The following CANX variants were observed in gnomAD, a reference collection of about 807,000 sequenced individuals.
CANX encodes calnexin, also known as epididymis secretory sperm binding protein.
A neutral mutation model predicts 75.7 loss-of-function variants in CANX; 14 were observed. The observed-to-expected ratio is 0.19, with a 90% CI of 0.12 to 0.29. The LOEUF is 0.29. CANX is among the 10% of genes least tolerant of loss of function. The pLI, the probability that CANX is intolerant of heterozygous loss-of-function variation, is 1.00. For missense variants in CANX, 567 were observed against 713.2 expected, an observed-to-expected ratio of 0.79 and a Z score of 2.34; for synonymous variants, 227 against 236.9, an observed-to-expected ratio of 0.96 and a Z score of 0.38.
In CANX at chr5:179,678,925, G is replaced by C. The variant is rs1326130990; in HGVS notation, c.-4+148G>C. 1.3e-6 allele frequency: 2 copies of C among 1,535,206 alleles called. No individual in the cohort carries two copies. The highest frequency in any genetic ancestry group is 3.9e-5 in the Admixed American group (2 of 50,884). On this transcript the variant is annotated intron_variant, in intron 1 of 14. Coordinates refer to the CANX transcript ENST00000681674. ...GCCCGCCGCGGAACACGAAGGCCTG[G>C]TTGCTGAGGCGCATGCACGGCGCGC...
intron 10 of CANX, 60 bp from the exon 11 acceptor site, chr5:179,722,733 TACGGTAGATTC>T (rs1359471740): frequency 3.9e-6 from 4 of 1,023,328 alleles, no homozygotes; most frequent in Admixed American, 4.7e-5. Flanking sequence ...AAATTTCTCT[TACGGTAGATTC>T]ACCATAAACT....
At chr5:179,695,556 T>C (rs13361866), upstream of CANX, among the ~76,000 whole-genome samples, 107,549 of 151,372 alleles carry the variant, frequency 0.71, 40,645 homozygotes, top group Non-Finnish European at 0.84. Flanking sequence ...CTCGAACTCC[T>C]GACCTCAGGT....
chr5:179,680,342 A>G (rs957281213), intron 1 of CANX, among the ~76,000 whole-genome samples: 2 of 152,160 alleles, frequency 1.3e-5, no homozygotes, highest in South Asian at 4.1e-4. Context: ...TAGCATAGCC[A>G]ACAGCATTAT....
intron 1 of CANX, chr5:179,679,194 G>A: frequency 6.5e-7 from 1 of 1,534,900 alleles, no homozygotes; most frequent in Non-Finnish European, 8.7e-7. Flanking sequence ...CGGGAGCGCT[G>A]GCGACTCGTG....
rs375418723 is a variant in CANX at position 179,688,068 on chromosome 5, T to C, written c.-4+9291T>C. Among the ~76,000 whole-genome samples the C allele has an allele frequency of 9.9e-5, 15 of 151,346 alleles. No individual in the cohort carries two copies. The East Asian group carries it at 2.9e-3, about 30-fold the overall frequency. On this transcript the variant is annotated intron_variant, in intron 1 of 14. Transcript: ENST00000681674. ...ATAAATAAAGTCAGTATTCTTTTTT[T>C]TTTTTTTTAAGATGGAGTGTCGCTC...
At chr5:179,712,895 TC>T (rs1777673722) in intron 7 of CANX, among the ~76,000 whole-genome samples, 1 of 148,544 alleles carries the variant, frequency 6.7e-6, no homozygotes, top group Non-Finnish European at 1.5e-5. Flanking sequence ...AGCTAATTTT[TC>T]TTTTTTTTAT....
chr5:179,678,673 C>A, exon 1 of CANX: 1 of 1,535,736 alleles, frequency 6.5e-7, no homozygotes, highest in Non-Finnish European at 8.7e-7. Context: ...CGGCGCGCGC[C>A]GCAGCCGTCG....
chr5:179,719,156 T>C (rs1778150734), intron 8 of CANX, among the ~76,000 whole-genome samples: 1 of 152,258 alleles, frequency 6.6e-6, no homozygotes, highest in African/African-American at 2.4e-5. Flanking sequence ...TGCTGGGTCA[T>C]GTGGTAACTA....
intron 1 of CANX, among the ~76,000 whole-genome samples, chr5:179,691,213 T>TG (rs1301565935): frequency 6.6e-6 from 1 of 151,864 alleles, no homozygotes; most frequent in Admixed American, 6.6e-5. Flanking sequence ...TTGGTAGAGA[T>TG]GGGGTTTCGC....
At chr5:179,698,778 C>T, upstream of CANX, 1 of 654,158 alleles carries the variant, frequency 1.5e-6, no homozygotes, top group Non-Finnish European at 2.3e-6. Context: ...TCACTCCCGG[C>T]CAATCTTCAC....
intron 7 of CANX, among the ~76,000 whole-genome samples, chr5:179,711,802 AAAT>A (rs1286571596): frequency 4.2e-5 from 6 of 142,596 alleles, no homozygotes; most frequent in Non-Finnish European, 9.4e-5. Flanking sequence ...AAAAAAAAAA[AAAT>A]TGGTATTTTT....
chr5:179,729,243 TTTAAGTTGTA>T lies in CANX; in HGVS notation c.*604_*613del. 6.5e-6 allele frequency: 1 copy of T among 154,526 alleles called. No individual in the cohort carries two copies. The highest frequency in any genetic ancestry group is 1.4e-5 in the Non-Finnish European group (1 of 69,592). 9.6% of individuals were successfully genotyped at this position (154,526 alleles called of 1,614,324 possible). A position where few individuals can be genotyped will look rare whatever the true frequency, so the allele number is the denominator to read the frequency against. ...AGCCCAAATTCATATAAAAGTTGCG[TTTAAGTTGTA>T]TTAAAAATAGATATATAAGAAAAAA... On this transcript the variant is annotated 3_prime_UTR_variant, in exon 15 of 15. Coordinates refer to ENST00000247461, the MANE Select transcript of CANX (RefSeq NM_001746.4).
chr5:179,720,281 G>C (rs958782232), intron 9 of CANX, 123 bp from the exon 10 acceptor site: 1 of 540,694 alleles, frequency 1.8e-6, no homozygotes, highest in Middle Eastern at 4.3e-4. Context: ...GGAAATACAG[G>C]AGAAGCTGGT....
chr5:179,682,518 G>A (rs755335726), intron 1 of CANX, among the ~76,000 whole-genome samples: 8 of 151,904 alleles, frequency 5.3e-5, no homozygotes, highest in South Asian at 4.2e-4. Flanking sequence ...TGAGACCAGC[G>A]TGACCAACAT....
chr5:179,725,526 A>G (rs1778594330), intron 13 of CANX, among the ~76,000 whole-genome samples: 1 of 151,626 alleles, frequency 6.6e-6, no homozygotes, highest in Non-Finnish European at 1.5e-5. Flanking sequence ...CTAAAAATAC[A>G]AAAATTAGCC....
At chr5:179,722,634 C>T (rs1056887268) in intron 10 of CANX, among the ~76,000 whole-genome samples, 170 bp from the exon 11 acceptor site, 3 of 152,126 alleles carry the variant, frequency 2.0e-5, no homozygotes, top group East Asian at 3.8e-4. Context: ...AGGCAGAGTG[C>T]GTAAAATAAT....
intron 1 of CANX, chr5:179,680,949 G>C (rs376364930): frequency 6.5e-7 from 1 of 1,530,918 alleles, no homozygotes; most frequent in East Asian, 2.4e-5. Flanking sequence ...GTATCTTCTC[G>C]GAGGATGTTT....
chr5:179,678,657 TCTGCCCGGCG>T lies in CANX; in HGVS notation c.-122_-113del, dbSNP rs1248152028. 5 of 1,535,192 alleles carry T rather than the reference TCTGCCCGGCG, an allele frequency of 3.3e-6. No individual in the cohort carries two copies. In the African/African-American group the frequency reaches 5.5e-5, roughly 17 times the overall value. On this transcript the variant is annotated 5_prime_UTR_variant, in exon 1 of 15. Transcript: ENST00000681674. ...GCGCCTGCGCGCTTGCGCATCTTCC[TCTGCCCGGCG>T]CGCGCCGCAGCCGTCGGGATCACCT...
chr5:179,682,432 C>T (rs1022553663), intron 1 of CANX, among the ~76,000 whole-genome samples: 3 of 151,894 alleles, frequency 2.0e-5, no homozygotes, highest in African/African-American at 4.8e-5. Flanking sequence ...AAAAATTGGC[C>T]GGGTGCAGTG....
Sources: gnomAD v4.1 joint callset for allele counts (sites outside exome capture counted in the v4.1 genomes callset) on GRCh38, gnomAD v4.1.1 for gene constraint, MANE v1.5 for transcripts, NCBI Gene and HGNC (gene_info 2026-07-23, HGNC 2026-07-21) for gene names.